The following FSD1 variants were observed in gnomAD, a reference collection of about 807,000 sequenced individuals.
FSD1 encodes fibronectin type III and SPRY domain-containing protein 1.
In FSD1, 23 loss-of-function variants were observed where a neutral mutation model predicts 58.2. The ratio of observed to expected loss-of-function variants is 0.40; its 90% CI spans 0.28 to 0.56. The LOEUF is 0.56. Ranked by LOEUF, FSD1 falls within the 20% of genes least tolerant of loss-of-function variation. The probability of loss-of-function intolerance (pLI) is 0.54; values close to 1 mark genes in which losing one functional copy is unlikely to be tolerated. For synonymous variants in FSD1, 265 were observed against 263.4 expected (o/e 1.01, Z -0.06); for missense variants, 563 against 670.8 (o/e 0.84, Z 1.78).
chr19:4,320,923 A>C, intron 10 of FSD1, among the ~76,000 whole-genome samples: 1 of 147,752 alleles, frequency 6.8e-6, no homozygotes, highest in Non-Finnish European at 1.5e-5. Context: ...TGGGGGGAAT[A>C]GCTGAGACTG....
At chr19:4,314,729 C>T (rs1971734708) in intron 7 of FSD1, among the ~76,000 whole-genome samples, 1 of 152,172 alleles carries the variant, frequency 6.6e-6, no homozygotes, top group Non-Finnish European at 1.5e-5. Flanking sequence ...TCAGGTGATC[C>T]GCCTGCCTCG....
rs772173176 is a variant in FSD1 at position 4,310,556 on chromosome 19, G to A, written c.450G>A (p.Ala150=). The part of the protein sequence containing the change: ...DNMSHLMVDF[A]QERQMLQALK... ...TGAGTCACCTCATGGTGGACTTCGC[G>A]CAAGAGCGGCAGATGCTACAGGCAC... The change falls in exon 6 of 13, where the codon GCG becomes GCA. Residue 150 remains alanine, a synonymous_variant. Coordinates refer to ENST00000221856, the MANE Select transcript of FSD1 (RefSeq NM_024333.3). 31 of 1,613,698 alleles carry A rather than the reference G, an allele frequency of 1.9e-5. No individual in the cohort carries two copies. Among genetic ancestry groups the A allele is most frequent in the African/African-American group, 5.3e-5 (4 of 74,944 alleles).
intron 7 of FSD1, among the ~76,000 whole-genome samples, chr19:4,314,465 G>A (rs922020397): frequency 1.3e-5 from 2 of 151,806 alleles, no homozygotes; most frequent in South Asian, 2.1e-4. Flanking sequence ...AATGGACACG[G>A]GTGCAGTGGA....
In FSD1 at chr19:4,317,246, A is replaced by T; in HGVS notation, c.765A>T (p.Gly255=). ...RVKACNKAVA[G]EFSEPVTLET... The stretch of plus-strand genomic sequence containing the variant: ...AGGCCTGTAACAAGGCAGTTGCAGG[A>T]GAGTTCTCTGAGCCGGTGACTCTGG... The change falls in exon 8 of 13, where the codon GGA becomes GGT. Residue 255 remains glycine, a synonymous_variant. Coordinates refer to ENST00000221856, the MANE Select transcript of FSD1 (RefSeq NM_024333.3). The T allele has an allele frequency of 6.2e-7, 1 of 1,612,656 alleles. No homozygotes were observed. Among genetic ancestry groups the T allele is most frequent in the Non-Finnish European group, 8.5e-7 (1 of 1,178,778 alleles).
At chr19:4,307,822 C>T (rs1370394930) in intron 3 of FSD1, 60 bp from the exon 4 acceptor site, 1 of 1,336,998 alleles carries the variant, frequency 7.5e-7, no homozygotes, top group Admixed American at 2.0e-5. Flanking sequence ...GTGGGGAGCC[C>T]TCAGGGGGCC....
chr19:4,318,507 T>G lies in FSD1; in HGVS notation c.959+2T>G. ...GTCTCCCATCAACTCCCCAGCCAGG[T>G]AGCCTGCCCCCTCCCCTCCCTAAGT... On this transcript the variant is annotated splice_donor_variant, in intron 9 of 12. Coordinates refer to ENST00000221856, the MANE Select transcript of FSD1 (RefSeq NM_024333.3). LOFTEE classifies it high-confidence loss of function. The G allele has an allele frequency of 6.3e-7, 1 of 1,596,332 alleles. No individual in the cohort carries two copies. Among genetic ancestry groups the G allele is most frequent in the Non-Finnish European group, 8.5e-7 (1 of 1,170,952 alleles).
intron 10 of FSD1, among the ~76,000 whole-genome samples, chr19:4,320,008 G>A (rs916833901): frequency 6.6e-6 from 1 of 152,106 alleles, no homozygotes; most frequent in Admixed American, 6.5e-5. Context: ...CAACTCTGGA[G>A]AGAATCTGGA....
At chr19:4,317,152 C>G in intron 7 of FSD1, 30 bp from the exon 8 acceptor site, 1 of 1,203,004 alleles carries the variant, frequency 8.3e-7, no homozygotes, top group Non-Finnish European at 1.2e-6. Context: ...GAATAATACA[C>G]AGTGTTGAAA....
intron 7 of FSD1, among the ~76,000 whole-genome samples, chr19:4,314,467 T>C (rs1480093945): frequency 1.3e-5 from 2 of 151,182 alleles, no homozygotes; most frequent in Admixed American, 6.6e-5. Flanking sequence ...TGGACACGGG[T>C]GCAGTGGACT....
At chr19:4,313,873 A>G (rs973930727) in intron 7 of FSD1, among the ~76,000 whole-genome samples, 2 of 151,140 alleles carry the variant, frequency 1.3e-5, no homozygotes, top group Non-Finnish European at 3.0e-5. Flanking sequence ...TAAAAATGCA[A>G]AAAAATTAGT....
In FSD1 at chr19:4,305,830, AT is replaced by A; in HGVS notation, c.16-113del. On this transcript the variant is annotated intron_variant, in intron 1 of 12. Transcript: ENST00000221856. Reference sequence around the variant, plus strand: ...TGCATGTGTGTGCGCACGCGTGTGCATTTATGTACGTGTGTGCATGTGTGTG... The same window carrying A: ...TGCATGTGTGTGCGCACGCGTGTGCATTATGTACGTGTGTGCATGTGTGTG... The A allele has an allele frequency of 1.6e-5, 12 of 766,934 alleles. No homozygotes were observed. The South Asian group carries it at 1.8e-4, about 12-fold the overall frequency. The allele number at this position is 766,934 out of a possible 1,614,324, so 47.5% of individuals were successfully genotyped here.
chr19:4,315,301 ATTTTTTTTTTTT>A (rs1219053251), intron 7 of FSD1, among the ~76,000 whole-genome samples: 1 of 79,566 alleles, frequency 1.3e-5, no homozygotes, highest in East Asian at 3.1e-4. Flanking sequence ...CGCCTGGTTA[ATTTTTTTTTTTT>A]TTTTTTTTTT....
At chr19:4,310,650 C>G in intron 6 of FSD1, 54 bp downstream of exon 6, 3 of 1,574,412 alleles carry the variant, frequency 1.9e-6, no homozygotes, top group Non-Finnish European at 2.6e-6. Context: ...ACCTGGGAGG[C>G]TAGGAGGCCC....
In FSD1 at chr19:4,318,424, T is replaced by C; in HGVS notation, c.878T>C (p.Met293Thr). ...VDDLSVEWDAMGGKVQDIKAR... is the reference protein window; with the variant it reads ...VDDLSVEWDATGGKVQDIKAR... ...GATCTCTCCGTGGAGTGGGACGCTA[T>C]GGGCGGGAAGGTGCAGGATATCAAG... is the stretch of plus-strand genomic sequence containing the variant. The change falls in exon 9 of 13, where the codon ATG becomes ACG. Residue 293 changes from methionine to threonine, a missense_variant. Met to Thr is a moderately conservative substitution (Grantham distance 81). Coordinates refer to ENST00000221856, the MANE Select transcript of FSD1 (RefSeq NM_024333.3). The C allele has an allele frequency of 6.2e-7, 1 of 1,613,882 alleles. No individual in the cohort carries two copies. The highest frequency in any genetic ancestry group is 8.5e-7 in the Non-Finnish European group (1 of 1,179,998).
chr19:4,311,037 AG>A (rs1971684697), intron 6 of FSD1: 1 of 162,472 alleles, frequency 6.2e-6, no homozygotes, highest in South Asian at 1.6e-4. Flanking sequence ...GCCATCAGAA[AG>A]CCCCACCCAC....
chr19:4,307,551 T>C (rs1261600550), intron 3 of FSD1, among the ~76,000 whole-genome samples: 1 of 151,976 alleles, frequency 6.6e-6, no homozygotes, highest in Non-Finnish European at 1.5e-5. Context: ...CTATGTTTAG[T>C]GGAGACAGGG....
At chr19:4,318,008 C>G (rs1244353435) in intron 8 of FSD1, among the ~76,000 whole-genome samples, 2 of 152,172 alleles carry the variant, frequency 1.3e-5, no homozygotes, top group East Asian at 3.9e-4. Flanking sequence ...CAGAGCGAGA[C>G]TCCATCTCAA....
chr19:4,322,936 G>A lies in FSD1; in HGVS notation c.1040-50G>A, dbSNP rs372366315. On this transcript the variant is annotated intron_variant, in intron 10 of 12. Transcript: ENST00000221856. The stretch of plus-strand genomic sequence containing the variant: ...GGCCCTTTGTGGAAGGGCATCTGTG[G>A]CCCAGTTCTATCCAGTTCCCCTGCC... 3.7e-5 allele frequency: 58 copies of A among 1,563,476 alleles called. No individual in the cohort carries two copies. In the African/African-American group the frequency reaches 7.2e-4, roughly 19 times the overall value.
At chr19:4,314,522 T>C (rs1432554726) in intron 7 of FSD1, among the ~76,000 whole-genome samples, 3 of 151,666 alleles carry the variant, frequency 2.0e-5, no homozygotes, top group Admixed American at 1.3e-4. Context: ...AGTCTCGCTT[T>C]GTCGCCCAGG....
Sources: allele counts gnomAD v4.1 joint callset (sites outside exome capture counted in the v4.1 genomes callset), GRCh38; gene constraint gnomAD v4.1.1; transcripts MANE v1.5; gene names NCBI Gene and HGNC (gene_info 2026-07-23, HGNC 2026-07-21).